Variants in EVI5 observed in about 807,000 individuals in gnomAD.
The protein encoded by EVI5 is ecotropic viral integration site 5, also known as ecotropic viral integration site 5 protein homolog.
Under a neutral mutation model 112.0 loss-of-function variants are expected in EVI5, and 73 were observed. The ratio of observed to expected loss-of-function variants is 0.65; its 90% confidence interval spans 0.54 to 0.79. EVI5 has a LOEUF of 0.79. Ranked by LOEUF, EVI5 falls within the 30% of genes least tolerant of loss-of-function variation. The pLI, the probability that EVI5 is intolerant of heterozygous loss-of-function variation, is 0.00. For synonymous variants in EVI5, 305 were observed against 319.9 expected (o/e 0.95, Z 0.50); for missense variants, 900 against 968.8 (o/e 0.93, Z 0.94).
At chr1:92,559,773 C>CA (rs34723950) in intron 19 of EVI5, among the ~76,000 whole-genome samples, 32,708 of 47,650 alleles carry the variant, frequency 0.69, 11,525 homozygotes, top group East Asian at 0.88. Flanking sequence ...GACTCCCTCT[C>CA]AAAAAAAAAA....
At position 92,509,198 on chromosome 1, in the gene EVI5, G is replaced by T. The variant is rs1039916823; in HGVS notation, c.*4458C>A. ...ACAGTACATTATATAAAAGATAAAT[G>T]AGAATAAGGAACTAAATTATTTCTT... On this transcript the variant is annotated 3_prime_UTR_variant, in exon 20 of 20. Transcript: ENST00000684568. The T allele has an allele frequency of 6.6e-6, 1 of 152,444 alleles. No individual in the cohort carries two copies. Among genetic ancestry groups the T allele is most frequent in the Non-Finnish European group, 1.5e-5 (1 of 68,012 alleles). The allele number at this position is 152,444 out of a possible 1,614,324, so 9.4% of individuals were successfully genotyped here.
rs142095175 is a variant in EVI5 at position 92,521,106 on chromosome 1, C to T, written c.2167-7136G>A. ...CCTTCCGAGTAGCTGGGACTACAGG[C>T]GTGGGCCACCACACCTGGCTAATTT... On this transcript the variant is annotated intron_variant, in intron 19 of 19. Transcript: ENST00000684568. 2.9e-3 allele frequency among the ~76,000 whole-genome samples: 443 copies of T among 151,720 alleles called. 2 individuals carry two copies. The highest frequency in any genetic ancestry group is 3.2e-3 in the Non-Finnish European group (216 of 67,950).
At chr1:92,580,398 A>C (rs1267047818) in intron 18 of EVI5, 2 of 152,306 alleles carry the variant, frequency 1.3e-5, no homozygotes, top group Non-Finnish European at 2.9e-5. Flanking sequence ...TTAAGTAATA[A>C]ATTTTAAAAA....
intron 19 of EVI5, among the ~76,000 whole-genome samples, chr1:92,551,352 C>T (rs1454230950): frequency 6.6e-6 from 1 of 152,036 alleles, no homozygotes; most frequent in East Asian, 1.9e-4. Flanking sequence ...TATTCCTCCC[C>T]CTTCTCCATT....
At chr1:92,759,860 C>T (rs538615076) in intron 1 of EVI5, among the ~76,000 whole-genome samples, 1 of 96,222 alleles carries the variant, frequency 1.0e-5, no homozygotes, top group Non-Finnish European at 2.1e-5. Context: ...CAAATACCCT[C>T]CCCCCCACAT....
chr1:92,680,413 AG>A (rs1558056747), intron 9 of EVI5, among the ~76,000 whole-genome samples: 1 of 152,254 alleles, frequency 6.6e-6, no homozygotes, highest in African/African-American at 2.4e-5. Context: ...AATGGATTAT[AG>A]CTCACTGAAT....
chr1:92,756,578 C>A, intron 1 of EVI5: 1 of 508,606 alleles, frequency 2.0e-6, no homozygotes. Context: ...GTGAAAGAAG[C>A]AAAGAGAGGA....
chr1:92,593,504 C>G (rs534220180), intron 18 of EVI5, among the ~76,000 whole-genome samples: 24 of 152,226 alleles, frequency 1.6e-4, no homozygotes, highest in African/African-American at 4.3e-4. Flanking sequence ...CTTTGAAAAC[C>G]GGCACAAGAC....
At chr1:92,569,231 A>G (rs1276489163) in intron 18 of EVI5, among the ~76,000 whole-genome samples, 1 of 152,218 alleles carries the variant, frequency 6.6e-6, no homozygotes, top group South Asian at 2.1e-4. Flanking sequence ...CTGGTTGCCT[A>G]AGAGTCATAC....
intron 3 of EVI5, 73 bp downstream of exon 3, chr1:92,704,482 C>A: frequency 5.1e-6 from 5 of 978,014 alleles, no homozygotes; most frequent in Non-Finnish European, 7.4e-6. Flanking sequence ...GGGTTTTTTT[C>A]CCAATCCTCT....
intron 14 of EVI5, 132 bp downstream of exon 14, chr1:92,636,070 C>A: frequency 1.5e-6 from 1 of 685,920 alleles, no homozygotes; most frequent in Non-Finnish European, 2.3e-6. Flanking sequence ...TTTCCTTTTC[C>A]TCTTAGTAAC....
At chr1:92,647,767 T>G in intron 13 of EVI5, 2 of 169,598 alleles carry the variant, frequency 1.2e-5, no homozygotes, top group Middle Eastern at 2.7e-3. Flanking sequence ...GGGTATAGAA[T>G]TTCTCCCTGT....
In EVI5 at chr1:92,513,689, C is replaced by A. The variant is rs138799860; in HGVS notation, c.2448G>T (p.Pro816=). 2 of 1,610,958 alleles carry A rather than the reference C, an allele frequency of 1.2e-6. No homozygotes were observed. Among genetic ancestry groups the A allele is most frequent in the South Asian group, 1.1e-5 (1 of 90,832 alleles). ...SNQVVQKERP[P]RRRESYSTTV ...TGGTTGAATACGACTCTCTTCTTCTCGGGGGCCGCTCCTTTTGAACCACTT... is the reference window on the plus strand; with the variant it reads ...TGGTTGAATACGACTCTCTTCTTCTAGGGGGCCGCTCCTTTTGAACCACTT... The change falls in exon 20 of 20, where the codon CCG becomes CCT. Residue 816 remains proline (P), a synonymous_variant. Coordinates refer to ENST00000684568, the MANE Select transcript of EVI5 (RefSeq NM_001350197.2).
At chr1:92,681,529 C>T (rs946230974) in intron 9 of EVI5, among the ~76,000 whole-genome samples, 28 of 152,114 alleles carry the variant, frequency 1.8e-4, no homozygotes, top group Non-Finnish European at 3.7e-4. Flanking sequence ...AGTAAGGGAA[C>T]CTATGAGCCT....
intron 1 of EVI5, chr1:92,756,921 A>T: frequency 2.8e-6 from 1 of 361,858 alleles, no homozygotes; most frequent in South Asian, 2.4e-5. Context: ...CAGACAAATG[A>T]ACATTACCCT....
At chr1:92,718,369 A>G (rs752030413) in intron 2 of EVI5, among the ~76,000 whole-genome samples, 1 of 152,246 alleles carries the variant, frequency 6.6e-6, no homozygotes, top group Non-Finnish European at 1.5e-5. Context: ...CAATCAAATT[A>G]GAACTCAGGA....
intron 18 of EVI5, among the ~76,000 whole-genome samples, chr1:92,592,122 A>C (rs550638272): frequency 2.1e-4 from 32 of 152,356 alleles, no homozygotes; most frequent in African/African-American, 5.8e-4. Flanking sequence ...AGGTGCCTGC[A>C]GTCCCAGCTA....
At position 92,568,424 on chromosome 1, in the gene EVI5, C is replaced by T. The variant is rs117664065; in HGVS notation, c.2071-4687G>A. On this transcript the variant is annotated intron_variant, in intron 18 of 19. Coordinates refer to ENST00000684568, the MANE Select transcript of EVI5 (RefSeq NM_001350197.2). ...AAAAGAAAAAAATACAGATTTTTGCCACTTGCAACCAAAATAATAATAGCT... is the reference window on the plus strand; with the variant it reads ...AAAAGAAAAAAATACAGATTTTTGCTACTTGCAACCAAAATAATAATAGCT... Among the ~76,000 whole-genome samples the T allele has an allele frequency of 5.4e-4, 82 of 150,782 alleles. No homozygotes were observed. In the East Asian group the frequency reaches 9.9e-3, roughly 18 times the overall value.
At chr1:92,644,759 T>C (rs889034044) in intron 13 of EVI5, among the ~76,000 whole-genome samples, 2 of 152,218 alleles carry the variant, frequency 1.3e-5, no homozygotes, top group Admixed American at 6.5e-5. Flanking sequence ...TCTAATTTCC[T>C]TTTAGACTTC....
Sources: allele counts gnomAD v4.1 joint callset (sites outside exome capture counted in the v4.1 genomes callset), GRCh38; gene constraint gnomAD v4.1.1; transcripts MANE v1.5; gene names NCBI Gene and HGNC (gene_info 2026-07-23, HGNC 2026-07-21).